Variants in FGF14 observed in about 807,000 individuals in gnomAD.
FGF14 encodes fibroblast growth factor 14.
FGF14 carries 5 observed loss-of-function variants against 25.5 expected under a neutral mutation model. The observed-to-expected ratio is 0.20, with a 90% confidence interval of 0.10 to 0.41. FGF14 has a LOEUF of 0.41. FGF14 is among the 10% of genes least tolerant of loss of function. The pLI, the probability that FGF14 is intolerant of heterozygous loss-of-function variation, is 1.00. For synonymous variants in FGF14, 138 were observed against 118.3 expected, an observed-to-expected ratio of 1.17 and a Z score of -1.08; for missense variants, 222 against 320.1, an observed-to-expected ratio of 0.69 and a Z score of 2.34.
intron 1 of FGF14, among the ~76,000 whole-genome samples, chr13:101,945,929 G>A (rs1379036349): frequency 2.0e-5 from 3 of 151,990 alleles, no homozygotes; most frequent in African/African-American, 4.8e-5. Context: ...TGTTTTATAC[G>A]TGGGTCACTA....
intron 1 of FGF14, among the ~76,000 whole-genome samples, chr13:101,981,473 C>A (rs570540945): frequency 6.6e-6 from 1 of 152,262 alleles, no homozygotes; most frequent in Admixed American, 6.5e-5. Flanking sequence ...GCTGCCCAGT[C>A]TGGGGTATTT....
At chr13:102,000,655 T>C (rs1031438613) in intron 1 of FGF14, among the ~76,000 whole-genome samples, 20 of 152,228 alleles carry the variant, frequency 1.3e-4, no homozygotes, top group African/African-American at 4.8e-4. Flanking sequence ...TCCATACTTT[T>C]TGCTTTCTCC....
Position 101,771,493 on chromosome 13 carries a change from G to A in FGF14, c.409-44683C>T, listed in dbSNP as rs148322153. On this transcript the variant is annotated intron_variant, in intron 3 of 4. Transcript: ENST00000376143. ...CCCAATTTTGTTGAGTAGTAAGTCT[G>A]TGCACACAACTAAAATGAACACTTT... Among the ~76,000 whole-genome samples, 1,261 of 152,162 alleles carry A rather than the reference G, an allele frequency of 8.3e-3. 8 individuals are homozygous for A. The highest frequency in any genetic ancestry group is 0.014 in the Non-Finnish European group (920 of 67,986).
At chr13:101,943,941 T>C (rs1594788053) in intron 1 of FGF14, among the ~76,000 whole-genome samples, 2 of 140,540 alleles carry the variant, frequency 1.4e-5, no homozygotes, top group South Asian at 4.4e-4. Context: ...GGCGGGGTTG[T>C]GGTGAGCCGA....
chr13:101,771,226 A>C (rs1280821838), intron 3 of FGF14, among the ~76,000 whole-genome samples: 1 of 152,108 alleles, frequency 6.6e-6, no homozygotes, highest in East Asian at 1.9e-4. Flanking sequence ...ACCGTATTTC[A>C]TTAGCAGTGT....
chr13:101,868,422 ACTCT>A lies in FGF14; in HGVS notation c.408+299_408+302del, dbSNP rs1379070962. ...GTTTCTTTTAAAAACATTATAAGAAACTCTCTAAGATAAGTGCATTTCTAACTAG... is the reference window on the plus strand; with the variant it reads ...GTTTCTTTTAAAAACATTATAAGAAACTAAGATAAGTGCATTTCTAACTAG... On this transcript the variant is annotated intron_variant, in intron 3 of 4. Transcript: ENST00000376143. 1.6e-5 allele frequency: 4 copies of A among 246,806 alleles called. No homozygotes were observed. In the East Asian group the frequency reaches 2.8e-4, roughly 17 times the overall value. 15.3% of individuals were successfully genotyped at this position (246,806 alleles called of 1,614,324 possible). A position where few individuals can be genotyped will look rare whatever the true frequency, so the allele number is the denominator to read the frequency against.
chr13:102,040,355 C>T (rs994178551), intron 1 of FGF14, among the ~76,000 whole-genome samples: 1 of 152,104 alleles, frequency 6.6e-6, no homozygotes, highest in Non-Finnish European at 1.5e-5. Flanking sequence ...TCCAGGTATA[C>T]AATACCTTTT....
intron 1 of FGF14, among the ~76,000 whole-genome samples, chr13:102,123,104 T>C (rs1165013235): frequency 1.3e-5 from 2 of 152,082 alleles, no homozygotes; most frequent in Non-Finnish European, 2.9e-5. Flanking sequence ...GACAGACGGA[T>C]GGTAAGAATG....
At chr13:102,315,699 A>ATAT (rs2055987380) in intron 1 of FGF14, among the ~76,000 whole-genome samples, 2 of 152,296 alleles carry the variant, frequency 1.3e-5, no homozygotes, top group East Asian at 3.9e-4. Flanking sequence ...TCTGTCCCAA[A>ATAT]TATTATTGCA....
chr13:101,886,121 A>C (rs2045976848), intron 1 of FGF14, among the ~76,000 whole-genome samples: 1 of 152,152 alleles, frequency 6.6e-6, no homozygotes, highest in African/African-American at 2.4e-5. Context: ...TTACAGCTTT[A>C]TGTGGCCATC....
chr13:101,992,281 T>G (rs560552516), intron 1 of FGF14, among the ~76,000 whole-genome samples: 1 of 152,180 alleles, frequency 6.6e-6, no homozygotes, highest in South Asian at 2.1e-4. Context: ...TCACAGAAAT[T>G]TTAGCCACTG....
At chr13:102,363,568 A>G (rs1875183989) in intron 1 of FGF14, among the ~76,000 whole-genome samples, 1 of 152,228 alleles carries the variant, frequency 6.6e-6, no homozygotes, top group Non-Finnish European at 1.5e-5. Flanking sequence ...GCATTCCGTT[A>G]GAAAAGGCTC....
intron 1 of FGF14, among the ~76,000 whole-genome samples, chr13:102,320,681 G>A (rs564653003): frequency 7.2e-5 from 11 of 152,250 alleles, no homozygotes; most frequent in African/African-American, 2.6e-4. Context: ...CAATGTGGGA[G>A]GACCTCCCTA....
intron 1 of FGF14, among the ~76,000 whole-genome samples, chr13:102,176,932 G>C (rs923921480): frequency 1.2e-4 from 18 of 152,096 alleles, no homozygotes; most frequent in Non-Finnish European, 7.4e-5. Context: ...TAGTATACTA[G>C]TTGTCCCTCA....
At chr13:102,095,986 T>C (rs1329881180) in intron 1 of FGF14, among the ~76,000 whole-genome samples, 1 of 79,640 alleles carries the variant, frequency 1.3e-5, no homozygotes, top group Non-Finnish European at 3.4e-5. Context: ...TTTGTGTGTG[T>C]GTGTGTGTGT....
chr13:102,178,870 A>C (rs1339608373), intron 1 of FGF14, among the ~76,000 whole-genome samples: 1 of 152,244 alleles, frequency 6.6e-6, no homozygotes, highest in Middle Eastern at 3.4e-3. Flanking sequence ...ACTGTACTTT[A>C]AACTCAAATG....
intron 1 of FGF14, among the ~76,000 whole-genome samples, chr13:101,963,891 A>C (rs535375307): frequency 6.6e-6 from 1 of 152,240 alleles, no homozygotes; most frequent in African/African-American, 2.4e-5. Flanking sequence ...CATAAATTCA[A>C]TTTTATAGGA....
At chr13:101,769,734 T>G (rs1329054665) in intron 3 of FGF14, among the ~76,000 whole-genome samples, 2 of 152,098 alleles carry the variant, frequency 1.3e-5, no homozygotes, top group African/African-American at 4.8e-5. Context: ...TGATTCCAAC[T>G]GCATGACATA....
At chr13:102,157,946 A>C (rs1472318303) in intron 1 of FGF14, among the ~76,000 whole-genome samples, 1 of 152,242 alleles carries the variant, frequency 6.6e-6, no homozygotes, top group East Asian at 1.9e-4. Flanking sequence ...GCCATCAGAA[A>C]AATGCAAATC....
Sources: allele counts gnomAD v4.1 joint callset (sites outside exome capture counted in the v4.1 genomes callset), GRCh38; gene constraint gnomAD v4.1.1; transcripts MANE v1.5; gene names NCBI Gene and HGNC (gene_info 2026-07-23, HGNC 2026-07-21).